The following ASAP1 variants were observed in gnomAD, a reference collection of about 807,000 sequenced individuals.
ASAP1 encodes the protein arf-GAP with SH3 domain, ANK repeat and PH domain-containing protein 1.
A neutral mutation model predicts 145.2 loss-of-function variants in ASAP1; 43 were observed. The observed-to-expected ratio is 0.30, with a 90% confidence interval of 0.23 to 0.38. ASAP1 has a LOEUF of 0.38. Ranked by LOEUF, ASAP1 falls within the 10% of genes least tolerant of loss-of-function variation. The pLI, the probability that ASAP1 is intolerant of heterozygous loss-of-function variation, is 1.00. For missense variants in ASAP1, 1,018 were observed against 1,355.3 expected, an observed-to-expected ratio of 0.75 and a Z score of 3.91; for synonymous variants, 546 against 515.5, an observed-to-expected ratio of 1.06 and a Z score of -0.80.
At chr8:130,387,845 T>C (rs1216293208) in intron 2 of ASAP1, among the ~76,000 whole-genome samples, 1 of 152,234 alleles carries the variant, frequency 6.6e-6, no homozygotes, top group Non-Finnish European at 1.5e-5. Flanking sequence ...TGAACATCTA[T>C]GTACCAGACT....
intron 9 of ASAP1, among the ~76,000 whole-genome samples, chr8:130,174,075 G>A (rs531105667): frequency 2.1e-5 from 3 of 139,558 alleles, no homozygotes; most frequent in South Asian, 4.6e-4. Flanking sequence ...GTGACAGAGT[G>A]GCAAGACTCC....
intron 27 of ASAP1, among the ~76,000 whole-genome samples, chr8:130,062,264 C>A (rs1253470408): frequency 6.6e-6 from 1 of 152,114 alleles, no homozygotes; most frequent in Non-Finnish European, 1.5e-5. Flanking sequence ...GGAATTTGAT[C>A]CTAAAAATAT....
intron 18 of ASAP1, 105 bp from the exon 19 acceptor site, chr8:130,118,780 GCTT>G (rs1306053181): frequency 1.7e-5 from 14 of 809,718 alleles, no homozygotes; most frequent in Non-Finnish European, 2.5e-5. Flanking sequence ...ATTAAGATAC[GCTT>G]CTTTTCACCA....
chr8:130,177,041 A>T (rs1006650283), intron 9 of ASAP1, among the ~76,000 whole-genome samples: 2 of 152,126 alleles, frequency 1.3e-5, no homozygotes, highest in African/African-American at 4.8e-5. Flanking sequence ...CAGCCCCATT[A>T]TGATTAATAA....
At chr8:130,072,831 G>GCGCGTGCGCGCGCGCGC (rs58907739) in intron 27 of ASAP1, among the ~76,000 whole-genome samples, 1 of 110,706 alleles carries the variant, frequency 9.0e-6, no homozygotes, top group Admixed American at 8.7e-5. Flanking sequence ...GTGTGCGCGC[G>GCGCGTGCGCGCGCGCGC]GGGGGGGGCA....
intron 20 of ASAP1, 83 bp from the exon 21 acceptor site, chr8:130,117,078 C>T: frequency 2.3e-6 from 2 of 868,974 alleles, no homozygotes; most frequent in Non-Finnish European, 3.5e-6. Flanking sequence ...TTTGTGCTGA[C>T]AACTGAGTCA....
At chr8:130,159,055 A>G (rs189236133) in intron 12 of ASAP1, among the ~76,000 whole-genome samples, 93 of 151,714 alleles carry the variant, frequency 6.1e-4, no homozygotes, top group Non-Finnish European at 1.2e-3. Flanking sequence ...TTAAAAGACC[A>G]CTCTAATTGC....
intron 5 of ASAP1, among the ~76,000 whole-genome samples, chr8:130,191,504 C>T (rs560451235): frequency 6.6e-6 from 1 of 152,174 alleles, no homozygotes; most frequent in South Asian, 2.1e-4. Context: ...GATGAATAAA[C>T]ACTGTTCCTA....
At chr8:130,178,515 T>C (rs1814121402) in intron 9 of ASAP1, among the ~76,000 whole-genome samples, 1 of 152,216 alleles carries the variant, frequency 6.6e-6, no homozygotes, top group African/African-American at 2.4e-5. Flanking sequence ...TAACACAAAT[T>C]ATATAGGAAT....
At chr8:130,407,406 T>C (rs1373729803) in intron 1 of ASAP1, among the ~76,000 whole-genome samples, 1 of 152,184 alleles carries the variant, frequency 6.6e-6, no homozygotes, top group Non-Finnish European at 1.5e-5. Context: ...AAGCCCTCTG[T>C]GTGAATGGGC....
chr8:130,072,829 G>GCGCGCGCGCA (rs1221695712), intron 27 of ASAP1, among the ~76,000 whole-genome samples: 1 of 102,364 alleles, frequency 9.8e-6, no homozygotes, highest in Non-Finnish European at 2.0e-5. Context: ...GTGTGTGCGC[G>GCGCGCGCGCA]CGGGGGGGGG....
intron 1 of ASAP1, among the ~76,000 whole-genome samples, chr8:130,423,339 G>T (rs188487006): frequency 6.6e-6 from 1 of 152,308 alleles, no homozygotes; most frequent in East Asian, 1.9e-4. Context: ...GATAATGCCT[G>T]GGGCGGGCAA....
rs1460034975 is a variant in ASAP1, at chr8:130,167,638, T to G, written c.823-16A>C. On this transcript the variant is annotated splice_polypyrimidine_tract_variant and intron_variant, in intron 10 of 29. Coordinates refer to ENST00000518721, the MANE Select transcript of ASAP1 (RefSeq NM_018482.4). Reference sequence around the variant, plus strand: ...TCTGTTTTATCTATGAAAAAAAAATTACTTCTATTACTTACCATTTACACT... The same window carrying G: ...TCTGTTTTATCTATGAAAAAAAAATGACTTCTATTACTTACCATTTACACT... The G allele has an allele frequency of 1.3e-6, 2 of 1,545,898 alleles. No homozygotes were observed. The highest frequency in any genetic ancestry group is 2.7e-5 in the African/African-American group (2 of 73,480).
intron 11 of ASAP1, among the ~76,000 whole-genome samples, chr8:130,160,620 T>G (rs2097667221): frequency 6.6e-6 from 1 of 152,190 alleles, no homozygotes; most frequent in Non-Finnish European, 1.5e-5. Context: ...TTATTAGCAT[T>G]CCACTGACAT....
intron 25 of ASAP1, among the ~76,000 whole-genome samples, chr8:130,082,150 G>A (rs1156888300): frequency 1.3e-5 from 2 of 152,154 alleles, no homozygotes; most frequent in Admixed American, 1.3e-4. Context: ...AGAATGTTCT[G>A]TAATTCTATG....
rs1271477726 is a variant in ASAP1 at position 130,116,977 on chromosome 8, C to G, written c.1899G>C (p.Gln633His). 1 of 1,607,960 alleles carries G rather than the reference C, an allele frequency of 6.2e-7. No individual in the cohort carries two copies. Among genetic ancestry groups the G allele is most frequent in the Admixed American group, 1.7e-5 (1 of 58,692 alleles). Residue 633 changes from glutamine to histidine, a missense_variant, in exon 21 of 30, where the codon CAG becomes CAC. Coordinates refer to ENST00000518721, the MANE Select transcript of ASAP1 (RefSeq NM_018482.4). Reference protein sequence around the residue: ...LVQNCGNLDKQTALGNTVLHY... With the variant: ...LVQNCGNLDKHTALGNTVLHY... ...GTAGAACTGTGTTTCCCAGGGCCGTCTGCTTATCCAGGTTCCCACTGAAAA... is the reference window on the plus strand; with the variant it reads ...GTAGAACTGTGTTTCCCAGGGCCGTGTGCTTATCCAGGTTCCCACTGAAAA...
At chr8:130,371,734 A>T (rs1403558074) in intron 2 of ASAP1, among the ~76,000 whole-genome samples, 1 of 152,224 alleles carries the variant, frequency 6.6e-6, no homozygotes, top group African/African-American at 2.4e-5. Context: ...AGAACCAGGG[A>T]AACAGAAAAG....
At chr8:130,283,667 G>A (rs1213800352) in intron 3 of ASAP1, among the ~76,000 whole-genome samples, 2 of 151,218 alleles carry the variant, frequency 1.3e-5, no homozygotes, top group Non-Finnish European at 2.9e-5. Context: ...GGGATGTGTG[G>A]GGAACAGTGT....
At chr8:130,208,943 C>T (rs1370236013) in intron 5 of ASAP1, among the ~76,000 whole-genome samples, 3 of 151,950 alleles carry the variant, frequency 2.0e-5, no homozygotes, top group African/African-American at 2.4e-5. Context: ...AAAAGAGGTA[C>T]AGACAAAAGG....
Sources: gnomAD v4.1 joint callset for allele counts (sites outside exome capture counted in the v4.1 genomes callset) on GRCh38, gnomAD v4.1.1 for gene constraint, MANE v1.5 for transcripts, NCBI Gene and HGNC (gene_info 2026-07-23, HGNC 2026-07-21) for gene names.